The following EXT2 variants were observed in gnomAD, a reference collection of about 807,000 sequenced individuals.
EXT2 encodes exostosin glycosyltransferase 2, also known as exostosin-2.
In EXT2, 53 loss-of-function variants were observed where a neutral mutation model predicts 81.6. That is an observed-to-expected ratio of 0.65 (90% CI 0.52 to 0.82). EXT2 has a LOEUF of 0.82. Ranked by LOEUF, EXT2 falls within the 40% of genes least tolerant of loss-of-function variation. The pLI is 0.00. For synonymous variants in EXT2, 320 were observed against 340.0 expected (o/e 0.94, Z 0.65); for missense variants, 774 against 910.2 (o/e 0.85, Z 1.93).
intron 4 of EXT2, among the ~76,000 whole-genome samples, chr11:44,120,526 A>C (rs1431909298): frequency 6.6e-6 from 1 of 152,224 alleles, no homozygotes; most frequent in African/African-American, 2.4e-5. Context: ...AAGACAAAAA[A>C]AAATTAAAAA....
intron 8 of EXT2, among the ~76,000 whole-genome samples, chr11:44,175,633 CTG>C (rs1423771670): frequency 6.6e-6 from 1 of 152,192 alleles, no homozygotes; most frequent in African/African-American, 2.4e-5. Flanking sequence ...AGCATGTTAT[CTG>C]TGTTTCTTTT....
intron 7 of EXT2, among the ~76,000 whole-genome samples, chr11:44,147,183 G>T (rs1954729974): frequency 6.6e-6 from 1 of 152,190 alleles, no homozygotes; most frequent in Non-Finnish European, 1.5e-5. Flanking sequence ...TTGATGGAGT[G>T]TTAATGTGGT....
At chr11:44,201,351 G>A (rs1955520074) in intron 9 of EXT2, among the ~76,000 whole-genome samples, 1 of 152,176 alleles carries the variant, frequency 6.6e-6, no homozygotes, top group Non-Finnish European at 1.5e-5. Context: ...ATCCATTTGT[G>A]AAGATGATAG....
chr11:44,213,294 C>G (rs1222764161), intron 10 of EXT2, among the ~76,000 whole-genome samples: 1 of 152,160 alleles, frequency 6.6e-6, no homozygotes, highest in African/African-American at 2.4e-5. Flanking sequence ...AGAAAGTGTA[C>G]AGATCCAGCA....
rs111364140 is a variant in EXT2 at position 44,114,203 on chromosome 11, C to T, written c.645C>T (p.Gly215=). 8.1e-6 allele frequency: 13 copies of T among 1,613,894 alleles called. No homozygotes were observed. In the East Asian group the frequency reaches 8.9e-5, roughly 11 times the overall value. The part of the protein sequence containing the change: ...VPRDRALLAG[G]GFSTWTYRQG... ...CTTTCAGGGCCCTGTTGGCTGGTGG[C>T]GGCTTTTCTACGTGGACTTACCGGC... The change falls in exon 4 of 14, where the codon GGC becomes GGT. Residue 215 remains glycine (G), a synonymous_variant. Coordinates refer to ENST00000533608, the MANE Select transcript of EXT2 (RefSeq NM_207122.2).
chr11:44,223,366 C>A (rs1369488792), intron 10 of EXT2, among the ~76,000 whole-genome samples: 1 of 152,142 alleles, frequency 6.6e-6, no homozygotes, highest in Non-Finnish European at 1.5e-5. Context: ...ATTGCCAAAA[C>A]CTGAAATCAG....
intron 8 of EXT2, among the ~76,000 whole-genome samples, chr11:44,196,811 ACTT>A (rs1955460465): frequency 6.6e-6 from 1 of 152,048 alleles, no homozygotes; most frequent in Non-Finnish European, 1.5e-5. Flanking sequence ...TGTTTCTGTT[ACTT>A]CTAAGTTCCT....
chr11:44,219,085 G>A (rs1955753669), intron 10 of EXT2, among the ~76,000 whole-genome samples: 1 of 152,098 alleles, frequency 6.6e-6, no homozygotes, highest in East Asian at 1.9e-4. Flanking sequence ...ACAGGTGTGA[G>A]CCACTGCACC....
At chr11:44,152,045 C>T (rs1004016826) in intron 7 of EXT2, among the ~76,000 whole-genome samples, 1 of 152,092 alleles carries the variant, frequency 6.6e-6, no homozygotes, top group African/African-American at 2.4e-5. Context: ...AGGTCTTTTG[C>T]CATTTTTTAA....
intron 7 of EXT2, among the ~76,000 whole-genome samples, chr11:44,143,264 C>T (rs1205299007): frequency 6.6e-6 from 1 of 152,186 alleles, no homozygotes; most frequent in African/African-American, 2.4e-5. Context: ...GGAAATACTT[C>T]CAGATTAGAA....
rs1956097693 is a variant in EXT2, at chr11:44,246,806, G to A, written c.*2519G>A. Reference sequence around the variant, plus strand: ...CAGCAAACCTCACCCATAAGCTTAGGTCAGGATCATCTGTCCTCGGGATGC... The same window carrying A: ...CAGCAAACCTCACCCATAAGCTTAGATCAGGATCATCTGTCCTCGGGATGC... On this transcript the variant is annotated 3_prime_UTR_variant, in exon 14 of 14. Coordinates refer to ENST00000533608, the MANE Select transcript of EXT2 (RefSeq NM_207122.2). Among the ~76,000 whole-genome samples, 1 of 152,194 alleles carries A rather than the reference G, an allele frequency of 6.6e-6. No homozygotes were observed. The highest frequency in any genetic ancestry group is 1.5e-5 in the Non-Finnish European group (1 of 68,046).
chr11:44,170,969 AAG>A (rs1193130994), intron 7 of EXT2, among the ~76,000 whole-genome samples: 1 of 152,174 alleles, frequency 6.6e-6, no homozygotes. Context: ...AGAACAGAAA[AAG>A]AGAGAATGGT....
chr11:44,105,115 T>C (rs745527911), intron 1 of EXT2, among the ~76,000 whole-genome samples: 11 of 152,114 alleles, frequency 7.2e-5, no homozygotes, highest in Non-Finnish European at 1.3e-4. Flanking sequence ...AATACTCAGC[T>C]CGCTAGGCAG....
chr11:44,136,121 A>C (rs1380451998), intron 7 of EXT2, among the ~76,000 whole-genome samples: 1 of 152,206 alleles, frequency 6.6e-6, no homozygotes, highest in Admixed American at 6.5e-5. Context: ...GTAAACCCTC[A>C]GATGTCTAGA....
At chr11:44,170,802 G>T in intron 7 of EXT2, among the ~76,000 whole-genome samples, 1 of 132,550 alleles carries the variant, frequency 7.5e-6, no homozygotes, top group Non-Finnish European at 1.6e-5. Flanking sequence ...AATTTAAAAC[G>T]TTCACATTCA....
intron 8 of EXT2, among the ~76,000 whole-genome samples, chr11:44,174,069 G>C (rs1006548165): frequency 1.3e-5 from 2 of 152,148 alleles, no homozygotes; most frequent in Non-Finnish European, 2.9e-5. Flanking sequence ...GGGTGTTCTA[G>C]TTCTCCATGT....
chr11:44,203,548 A>G (rs1028061821), intron 9 of EXT2, among the ~76,000 whole-genome samples: 1 of 152,098 alleles, frequency 6.6e-6, no homozygotes, highest in Admixed American at 6.5e-5. Flanking sequence ...ACCTGGAACT[A>G]CCCACAGGGA....
At chr11:44,184,694 T>A (rs1955286073) in intron 8 of EXT2, among the ~76,000 whole-genome samples, 1 of 152,132 alleles carries the variant, frequency 6.6e-6, no homozygotes, top group Non-Finnish European at 1.5e-5. Flanking sequence ...GAGCTTGCAG[T>A]GAGCCGAGAT....
chr11:44,211,125 A>T (rs1955642813), intron 10 of EXT2, among the ~76,000 whole-genome samples: 2 of 152,224 alleles, frequency 1.3e-5, no homozygotes, highest in Admixed American at 1.3e-4. Flanking sequence ...AATGAAACAG[A>T]ATAAAGAGTT....
Sources: gnomAD v4.1 joint callset for allele counts (sites outside exome capture counted in the v4.1 genomes callset) on GRCh38, gnomAD v4.1.1 for gene constraint, MANE v1.5 for transcripts, NCBI Gene and HGNC (gene_info 2026-07-23, HGNC 2026-07-21) for gene names.